CD99L2: variants seen among roughly 807,000 people sequenced by gnomAD.
CD99L2 encodes the protein CD99 molecule like 2.
A neutral mutation model predicts 27.3 loss-of-function variants in CD99L2; 24 were observed. The ratio of observed to expected loss-of-function variants is 0.88; its 90% CI spans 0.64 to 1.24. The LOEUF is 1.24. Ranked by LOEUF, CD99L2 falls within the 50% of genes most tolerant of loss-of-function variation. The pLI, the probability that CD99L2 is intolerant of heterozygous loss-of-function variation, is 0.00. For synonymous variants in CD99L2, 97 were observed against 87.9 expected (o/e 1.10, Z -0.58); for missense variants, 255 against 221.6 (o/e 1.15, Z -0.96).
intron 1 of CD99L2, among the ~76,000 whole-genome samples, chrX:150,876,052 AAT>A (rs2047224015): frequency 8.9e-6 from 1 of 112,375 alleles, no homozygotes; most frequent in Non-Finnish European, 1.9e-5. Context: ...TTGTGGTGTC[AAT>A]AGTTTGTTCT....
chrX:150,865,310 C>G (rs189128705), intron 1 of CD99L2, among the ~76,000 whole-genome samples: 80 of 109,959 alleles, frequency 7.3e-4, no homozygotes, highest in Admixed American at 4.1e-3. Flanking sequence ...CCGGCCTGGG[C>G]AACATAGTGA....
chrX:150,839,737 T>C (rs987967935), intron 1 of CD99L2, among the ~76,000 whole-genome samples: 1 of 107,715 alleles, frequency 9.3e-6, no homozygotes, highest in South Asian at 4.2e-4. Context: ...ATTTAAAAAT[T>C]AGCCTGGGGT....
At chrX:150,864,046 C>T (rs1215123579) in intron 1 of CD99L2, among the ~76,000 whole-genome samples, 2 of 112,115 alleles carry the variant, frequency 1.8e-5, no homozygotes, top group Non-Finnish European at 3.8e-5. Context: ...CTGTTGTTTT[C>T]AGCCACCCAG....
chrX:150,795,770 G>A (rs1191884872), intron 4 of CD99L2, among the ~76,000 whole-genome samples: 1 of 111,687 alleles, frequency 9.0e-6, no homozygotes, highest in African/African-American at 3.3e-5. Context: ...CAGATCTGCG[G>A]GAGATGACCA....
intron 4 of CD99L2, among the ~76,000 whole-genome samples, chrX:150,808,225 C>T (rs1375869774): frequency 8.9e-6 from 1 of 112,678 alleles, no homozygotes; most frequent in African/African-American, 3.2e-5. Context: ...TGAATGAAAA[C>T]ATACTGATGC....
chrX:150,865,496 A>G (rs1018335965), intron 1 of CD99L2, among the ~76,000 whole-genome samples: 1 of 111,844 alleles, frequency 8.9e-6, no homozygotes, highest in African/African-American at 3.3e-5. Flanking sequence ...CAGATGGATA[A>G]ATAGATAGAT....
intron 1 of CD99L2, among the ~76,000 whole-genome samples, chrX:150,888,313 A>C (rs2047446145): frequency 8.9e-6 from 1 of 112,192 alleles, no homozygotes; most frequent in Non-Finnish European, 1.9e-5. Flanking sequence ...GACAAGCAAA[A>C]CATGGTCTAC....
rs184713223 is a variant in CD99L2, at chrX:150,798,493, T to C, written c.278-3007A>G. 5.0e-3 allele frequency among the ~76,000 whole-genome samples: 560 copies of C among 110,945 alleles called. 7 individuals carry two copies. Among genetic ancestry groups the C allele is most frequent in the Middle Eastern group, 0.014 (3 of 216 alleles). ...AATTGGATAGCCACATGCAAAGGAA[T>C]GACTTCGGACCCTGACCTATACTAC... On this transcript the variant is annotated intron_variant, in intron 4 of 10. Transcript: ENST00000370377.
intron 4 of CD99L2, among the ~76,000 whole-genome samples, chrX:150,801,125 A>C (rs1305207599): frequency 9.0e-6 from 1 of 111,392 alleles, no homozygotes; most frequent in Non-Finnish European, 1.9e-5. Flanking sequence ...TTTAAAAAGG[A>C]ATTATCACCA....
intron 2 of CD99L2, among the ~76,000 whole-genome samples, chrX:150,817,999 G>A (rs989050694): frequency 1.1e-4 from 12 of 107,545 alleles, no homozygotes; most frequent in Non-Finnish European, 1.9e-4. Flanking sequence ...GAGTCAAAGA[G>A]TGACAATTTA....
At chrX:150,893,443 C>T (rs2047552789) in intron 1 of CD99L2, among the ~76,000 whole-genome samples, 2 of 109,039 alleles carry the variant, frequency 1.8e-5, no homozygotes, top group Non-Finnish European at 3.8e-5. Flanking sequence ...CAAGTCAGCC[C>T]ATGAGGCTTC....
chrX:150,887,107 G>A (rs1227325173), intron 1 of CD99L2, among the ~76,000 whole-genome samples: 7 of 105,586 alleles, frequency 6.6e-5, no homozygotes, highest in African/African-American at 1.4e-4. Context: ...TGGTGCCACC[G>A]CACTCTAACT....
At chrX:150,849,805 A>G (rs1397814562) in intron 1 of CD99L2, among the ~76,000 whole-genome samples, 1 of 111,720 alleles carries the variant, frequency 9.0e-6, no homozygotes, top group East Asian at 2.8e-4. Flanking sequence ...CTCATTCCAC[A>G]CCACAAATCT....
chrX:150,833,458 T>C (rs188034600), intron 1 of CD99L2, among the ~76,000 whole-genome samples: 99 of 111,863 alleles, frequency 8.9e-4, no homozygotes, highest in African/African-American at 3.0e-3. Flanking sequence ...AAAAAAATCC[T>C]AAAATTTGTA....
At chrX:150,829,931 C>T (rs1335617861) in intron 2 of CD99L2, among the ~76,000 whole-genome samples, 1 of 110,279 alleles carries the variant, frequency 9.1e-6, no homozygotes, top group Non-Finnish European at 1.9e-5. Context: ...CTGAGGCGGG[C>T]GGATTGCCTG....
chrX:150,807,539 G>C (rs965321384), intron 4 of CD99L2, among the ~76,000 whole-genome samples: 2 of 112,294 alleles, frequency 1.8e-5, no homozygotes, highest in African/African-American at 6.5e-5. Flanking sequence ...AAACAATGAG[G>C]GGAAAGGCCT....
At chrX:150,875,889 C>G (rs1420689741) in intron 1 of CD99L2, among the ~76,000 whole-genome samples, 11 of 112,060 alleles carry the variant, frequency 9.8e-5, no homozygotes, top group African/African-American at 3.2e-4. Context: ...TCTCCAGCCA[C>G]GTGGAATTGT....
chrX:150,837,123 T>C lies in CD99L2; in HGVS notation c.68-5830A>G, dbSNP rs1603302846. On this transcript the variant is annotated intron_variant, in intron 1 of 10. Coordinates refer to ENST00000370377, the MANE Select transcript of CD99L2 (RefSeq NM_031462.4). Reference sequence around the variant, plus strand: ...ATGAGCACATCTAGCACCCAGGTCTTCGTCTCTAATCCTACTCTCCAAAAA... The same window carrying C: ...ATGAGCACATCTAGCACCCAGGTCTCCGTCTCTAATCCTACTCTCCAAAAA... Among the ~76,000 whole-genome samples the C allele has an allele frequency of 2.7e-5, 3 of 112,263 alleles. No individual in the cohort carries two copies. In the South Asian group the frequency reaches 1.1e-3, roughly 41 times the overall value.
intron 1 of CD99L2, among the ~76,000 whole-genome samples, chrX:150,882,185 A>C (rs910243068): frequency 7.2e-5 from 8 of 110,978 alleles, no homozygotes; most frequent in African/African-American, 9.8e-5. Flanking sequence ...TTCCTCCTCC[A>C]GGGAAAAGAC....
Sources: allele counts gnomAD v4.1 joint callset (sites outside exome capture counted in the v4.1 genomes callset), GRCh38; gene constraint gnomAD v4.1.1; transcripts MANE v1.5; gene names NCBI Gene and HGNC (gene_info 2026-07-23, HGNC 2026-07-21).